Variants in INPP4B observed in about 807,000 individuals in gnomAD.
INPP4B encodes inositol polyphosphate-4-phosphatase type II B.
INPP4B carries 55 observed loss-of-function variants against 122.5 expected under a neutral mutation model. The ratio of observed to expected loss-of-function variants is 0.45; its 90% CI spans 0.36 to 0.56. INPP4B has a LOEUF of 0.56. Among genes scored for constraint, INPP4B ranks in the 20% least tolerant of loss-of-function variants. The pLI, the probability that INPP4B is intolerant of heterozygous loss-of-function variation, is 0.00. For synonymous variants in INPP4B, 403 were observed against 388.7 expected (o/e 1.04, Z -0.43); for missense variants, 1,000 against 1,097.7 (o/e 0.91, Z 1.26).
At chr4:142,840,496 A>G (rs1783348047) in intron 1 of INPP4B, among the ~76,000 whole-genome samples, 1 of 152,142 alleles carries the variant, frequency 6.6e-6, no homozygotes, top group African/African-American at 2.4e-5. Context: ...TTCCTCACAT[A>G]AGCAGATCTC....
chr4:142,299,804 A>AC (rs1167521408), intron 9 of INPP4B, among the ~76,000 whole-genome samples: 6 of 148,978 alleles, frequency 4.0e-5, no homozygotes, highest in Admixed American at 1.3e-4. Context: ...TCCCCCTACC[A>AC]CCCCCCCAAA....
At chr4:142,797,110 C>T (rs896427500) in intron 1 of INPP4B, among the ~76,000 whole-genome samples, 1 of 151,878 alleles carries the variant, frequency 6.6e-6, no homozygotes, top group African/African-American at 2.4e-5. Context: ...TTATTTAGAG[C>T]TTACTATGTG....
intron 17 of INPP4B, among the ~76,000 whole-genome samples, chr4:142,146,528 A>T (rs924389849): frequency 2.0e-5 from 3 of 152,088 alleles, no homozygotes; most frequent in Non-Finnish European, 4.4e-5. Flanking sequence ...CACCCCTTAC[A>T]CACATGAATT....
At chr4:142,638,342 A>G (rs1017538449) in intron 2 of INPP4B, among the ~76,000 whole-genome samples, 2 of 152,170 alleles carry the variant, frequency 1.3e-5, no homozygotes, top group African/African-American at 4.8e-5. Context: ...ATTTAAGTCT[A>G]TGGTTCATTT....
In INPP4B at chr4:142,270,786, A is replaced by T. The variant is rs750939802; in HGVS notation, c.504-12T>A. The T allele has an allele frequency of 2.6e-6, 4 of 1,556,946 alleles. No individual in the cohort carries two copies. The South Asian group carries it at 4.5e-5, about 17-fold the overall frequency. The stretch of plus-strand genomic sequence containing the variant: ...CACCATCTGAAGTTCTGCAACAAAA[A>T]ATACACGAAATGGAAAGGTAAGAAG... On this transcript the variant is annotated splice_polypyrimidine_tract_variant and intron_variant, in intron 9 of 25. Transcript: ENST00000262992.
chr4:142,547,034 T>C (rs1415613651), intron 2 of INPP4B, among the ~76,000 whole-genome samples: 1 of 152,148 alleles, frequency 6.6e-6, no homozygotes, highest in Non-Finnish European at 1.5e-5. Context: ...ATTTGTTTCA[T>C]TCAAGATTCT....
rs62328191 is a variant in INPP4B at position 142,081,481 on chromosome 4, A to C, written c.2642+550T>G. Among the ~76,000 whole-genome samples the C allele has an allele frequency of 4.4e-3, 673 of 152,280 alleles. 2 individuals are homozygous for C. Among genetic ancestry groups the C allele is most frequent in the Non-Finnish European group, 7.1e-3 (483 of 68,018 alleles). Reference sequence around the variant, plus strand: ...AGTAACCATATTAATTCTCTATTTTAAAGTATCAGTGTCATCCCATCTTCA... The same window carrying C: ...AGTAACCATATTAATTCTCTATTTTCAAGTATCAGTGTCATCCCATCTTCA... On this transcript the variant is annotated intron_variant, in intron 25 of 25. Transcript: ENST00000262992.
chr4:142,113,639 C>T (rs1197610523), intron 21 of INPP4B, among the ~76,000 whole-genome samples: 2 of 151,916 alleles, frequency 1.3e-5, no homozygotes, highest in Admixed American at 1.3e-4. Flanking sequence ...GTTAGCATTA[C>T]CTTCAGATGA....
At chr4:142,279,169 TATAGAC>T (rs1750039209) in intron 9 of INPP4B, among the ~76,000 whole-genome samples, 1 of 151,976 alleles carries the variant, frequency 6.6e-6, no homozygotes, top group East Asian at 1.9e-4. Flanking sequence ...TAAATAGACA[TATAGAC>T]ATATACTATG....
intron 14 of INPP4B, among the ~76,000 whole-genome samples, chr4:142,201,852 C>A (rs557110119): frequency 6.6e-6 from 1 of 151,902 alleles, no homozygotes; most frequent in African/African-American, 2.4e-5. Flanking sequence ...CTGCTCTTTA[C>A]GATTTTTTGA....
intron 11 of INPP4B, among the ~76,000 whole-genome samples, chr4:142,250,465 C>T (rs1731409103): frequency 6.6e-6 from 1 of 152,152 alleles, no homozygotes; most frequent in African/African-American, 2.4e-5. Flanking sequence ...CAATAGCTTA[C>T]TTTGCCTACA....
In INPP4B at chr4:142,067,834, A is replaced by G. The variant is rs1764490813; in HGVS notation, c.2642+14197T>C. ...CTCCAAGAACTATCGGACTATGTGA[A>G]AAGACCAAATCTATGTCTGATTGGT... On this transcript the variant is annotated intron_variant, in intron 25 of 25. Coordinates refer to ENST00000262992, the MANE Select transcript of INPP4B (RefSeq NM_001101669.3). Among the ~76,000 whole-genome samples, 4 of 152,344 alleles carry G rather than the reference A, an allele frequency of 2.6e-5. No individual in the cohort carries two copies. In the South Asian group the frequency reaches 8.3e-4, roughly 32 times the overall value.
intron 2 of INPP4B, among the ~76,000 whole-genome samples, chr4:142,474,860 T>C (rs1819544447): frequency 6.6e-6 from 1 of 152,142 alleles, no homozygotes; most frequent in Admixed American, 6.5e-5. Flanking sequence ...GTTTTACTTT[T>C]ACTTAAATTT....
At position 142,593,092 on chromosome 4, in the gene INPP4B, A is replaced by T. The variant is rs13102191; in HGVS notation, c.-190-130366T>A. 6.0e-5 allele frequency among the ~76,000 whole-genome samples: 9 copies of T among 150,190 alleles called. No homozygotes were observed. In the East Asian group the frequency reaches 1.4e-3, roughly 23 times the overall value. The stretch of plus-strand genomic sequence containing the variant: ...GTACTCCAGCCTGGGTGATACAGTG[A>T]GATCCTGTTTTTAAAAAAAAAAAAA... On this transcript the variant is annotated intron_variant, in intron 2 of 25. Coordinates refer to ENST00000262992, the MANE Select transcript of INPP4B (RefSeq NM_001101669.3).
At chr4:142,134,746 G>C (rs1281006908) in intron 18 of INPP4B, among the ~76,000 whole-genome samples, 2 of 135,744 alleles carry the variant, frequency 1.5e-5, no homozygotes, top group Non-Finnish European at 3.0e-5. Flanking sequence ...GTGGTGAGCT[G>C]AGATCACACC....
At chr4:142,270,221 A>T (rs1236999793) in intron 10 of INPP4B, among the ~76,000 whole-genome samples, 1 of 152,148 alleles carries the variant, frequency 6.6e-6, no homozygotes, top group Non-Finnish European at 1.5e-5. Flanking sequence ...ACTTCTTGTT[A>T]AATCTGCCCT....
chr4:142,613,962 T>C (rs879911194), intron 2 of INPP4B, among the ~76,000 whole-genome samples: 2 of 152,222 alleles, frequency 1.3e-5, no homozygotes, highest in African/African-American at 2.4e-5. Context: ...CTAAGATTCT[T>C]AGTTAATACA....
At chr4:142,506,769 G>A (rs907363849) in intron 2 of INPP4B, among the ~76,000 whole-genome samples, 24 of 152,144 alleles carry the variant, frequency 1.6e-4, no homozygotes, top group Non-Finnish European at 2.9e-4. Context: ...TATGATATAT[G>A]ATTATACTAT....
At chr4:142,839,302 A>G (rs1783187847) in intron 1 of INPP4B, among the ~76,000 whole-genome samples, 1 of 152,136 alleles carries the variant, frequency 6.6e-6, no homozygotes, top group African/African-American at 2.4e-5. Flanking sequence ...TACTAAAAAT[A>G]CAAAAATTAG....
Sources: allele counts gnomAD v4.1 joint callset (sites outside exome capture counted in the v4.1 genomes callset), GRCh38; gene constraint gnomAD v4.1.1; transcripts MANE v1.5; gene names NCBI Gene and HGNC (gene_info 2026-07-23, HGNC 2026-07-21).